The following AXDND1 variants were observed in gnomAD, a reference collection of about 807,000 sequenced individuals.
AXDND1 encodes the protein axonemal dynein light chain domain-containing protein 1.
In AXDND1, 110 loss-of-function variants were observed where a neutral mutation model predicts 137.5. The observed-to-expected ratio is 0.80, with a 90% CI of 0.69 to 0.94. The LOEUF (loss-of-function observed/expected upper bound fraction) is 0.94, where lower values mean the gene tolerates loss of function less well. Ranked by LOEUF, AXDND1 falls within the 40% of genes least tolerant of loss-of-function variation. The probability of loss-of-function intolerance (pLI) is 0.00; values close to 1 mark genes in which losing one functional copy is unlikely to be tolerated. For synonymous variants in AXDND1, 414 were observed against 399.7 expected (o/e 1.04, Z -0.43); for missense variants, 1,191 against 1,169.8 (o/e 1.02, Z -0.26).
At chr1:179,416,956 T>A (rs762270564) in intron 12 of AXDND1, among the ~76,000 whole-genome samples, 4 of 152,180 alleles carry the variant, frequency 2.6e-5, no homozygotes, top group Non-Finnish European at 4.4e-5. Flanking sequence ...TATACGGCCC[T>A]TTTATAGAAC....
chr1:179,542,733 G>T (rs1011712291), intron 25 of AXDND1, among the ~76,000 whole-genome samples: 1 of 152,142 alleles, frequency 6.6e-6, no homozygotes, highest in Non-Finnish European at 1.5e-5. Flanking sequence ...TTGAGGATTC[G>T]GTTAAATCCA....
At chr1:179,506,528 T>C (rs1403796520) in intron 20 of AXDND1, among the ~76,000 whole-genome samples, 2 of 152,132 alleles carry the variant, frequency 1.3e-5, no homozygotes, top group Admixed American at 1.3e-4. Flanking sequence ...GGTCAGCAGT[T>C]CGAGACCAGC....
intron 16 of AXDND1, chr1:179,454,959 G>A (rs1661085253): frequency 6.6e-6 from 1 of 152,190 alleles, no homozygotes; most frequent in South Asian, 2.1e-4. Flanking sequence ...AGCCGGGCGT[G>A]GTGGCAGGCG....
At chr1:179,482,061 AAGTT>A (rs1163321130) in intron 17 of AXDND1, among the ~76,000 whole-genome samples, 1 of 149,882 alleles carries the variant, frequency 6.7e-6, no homozygotes, top group Admixed American at 6.6e-5. Context: ...GTTGCAAATG[AAGTT>A]AGTTTATTTG....
rs577910959 is a variant in AXDND1, at chr1:179,378,716, C to T, written c.454C>T (p.Arg152Cys). Residue 152 changes from arginine (R) to cysteine (C), a missense_variant, in exon 5 of 26, where the codon CGT becomes TGT. Transcript: ENST00000367618. ...EKAVCPPHLA[R>C]SLQSHDGVIV... is the part of the protein sequence containing the mutation. ...GGCAGTTTGTCCCCCACATTTGGCCCGTTCATTACAGTCACATGATGGTGT... is the reference window on the plus strand; with the variant it reads ...GGCAGTTTGTCCCCCACATTTGGCCTGTTCATTACAGTCACATGATGGTGT... 22 of 1,589,408 alleles carry T rather than the reference C, an allele frequency of 1.4e-5. No homozygotes were observed. Among genetic ancestry groups the T allele is most frequent in the South Asian group, 9.3e-5 (8 of 85,920 alleles).
At chr1:179,416,860 A>G (rs531606459) in intron 12 of AXDND1, among the ~76,000 whole-genome samples, 23 of 152,292 alleles carry the variant, frequency 1.5e-4, no homozygotes, top group African/African-American at 5.3e-4. Flanking sequence ...AGTTTCCCCA[A>G]TAAAACACCC....
At chr1:179,449,175 C>T (rs545895554) in intron 16 of AXDND1, 59 of 450,824 alleles carry the variant, frequency 1.3e-4, no homozygotes, top group African/African-American at 2.6e-4. Context: ...CATAATCCAC[C>T]GCACCTGGCC....
chr1:179,370,128 T>G, intron 4 of AXDND1, 50 bp downstream of exon 4: 3 of 1,404,380 alleles, frequency 2.1e-6, no homozygotes, highest in Non-Finnish European at 3.0e-6. Context: ...AGTTGTTTTC[T>G]CATTTTGAAT....
chr1:179,496,155 A>ATGTT (rs1346963905), intron 20 of AXDND1, among the ~76,000 whole-genome samples: 5 of 151,918 alleles, frequency 3.3e-5, no homozygotes, highest in African/African-American at 1.2e-4. Context: ...TTCATAAGGG[A>ATGTT]TATTTATTAA....
intron 14 of AXDND1, 23 bp from the exon 15 acceptor site, chr1:179,432,244 C>CT (rs11314780): frequency 0.019 from 22,099 of 1,189,358 alleles, no homozygotes; most frequent in East Asian, 0.062. Context: ...AGATGTTTCT[C>CT]TTTTTTTTTT....
intron 17 of AXDND1, among the ~76,000 whole-genome samples, chr1:179,479,488 A>AAAAAAG: frequency 6.8e-6 from 1 of 147,766 alleles, no homozygotes; most frequent in African/African-American, 2.5e-5. Context: ...AAAAAAAAAA[A>AAAAAAG]GGAAAAAGGC....
intron 16 of AXDND1, chr1:179,456,950 C>T: frequency 6.7e-7 from 1 of 1,497,608 alleles, no homozygotes; most frequent in Non-Finnish European, 9.2e-7. Flanking sequence ...TTCATTTTTT[C>T]CATACTGTTC....
At chr1:179,383,749 A>G (rs1431246211) in intron 8 of AXDND1, among the ~76,000 whole-genome samples, 1 of 152,228 alleles carries the variant, frequency 6.6e-6, no homozygotes, top group African/African-American at 2.4e-5. Context: ...ATGAAATGAC[A>G]TAATAAATGT....
intron 11 of AXDND1, among the ~76,000 whole-genome samples, chr1:179,410,267 G>C (rs1653660198): frequency 6.6e-6 from 1 of 152,138 alleles, no homozygotes; most frequent in African/African-American, 2.4e-5. Context: ...TAATTTTTCT[G>C]TCGCCCAGTC....
At chr1:179,488,634 C>CTCTCTCT (rs376189496) in intron 18 of AXDND1, among the ~76,000 whole-genome samples, 2 of 105,172 alleles carry the variant, frequency 1.9e-5, no homozygotes, top group Non-Finnish European at 3.9e-5. Flanking sequence ...CTCTCTCTCT[C>CTCTCTCT]CTTTCTTTCT....
At chr1:179,441,762 T>G (rs1659019782) in intron 15 of AXDND1, among the ~76,000 whole-genome samples, 1 of 152,224 alleles carries the variant, frequency 6.6e-6, no homozygotes. Context: ...ATTCCAGGTC[T>G]GAATAAGGGC....
intron 11 of AXDND1, among the ~76,000 whole-genome samples, chr1:179,403,151 A>T (rs4233180): frequency 6.6e-6 from 1 of 152,036 alleles, no homozygotes; most frequent in Admixed American, 6.6e-5. Flanking sequence ...TGTTATATAT[A>T]TATTATATAA....
At chr1:179,536,802 C>T (rs557599273) in intron 25 of AXDND1, among the ~76,000 whole-genome samples, 5 of 152,282 alleles carry the variant, frequency 3.3e-5, no homozygotes, top group African/African-American at 9.6e-5. Flanking sequence ...TTACCTTGGG[C>T]AGTATGGCCA....
chr1:179,461,832 T>C (rs1662364164), intron 16 of AXDND1, among the ~76,000 whole-genome samples: 1 of 152,226 alleles, frequency 6.6e-6, no homozygotes, highest in Admixed American at 6.5e-5. Context: ...GGGAGTTCAC[T>C]CATGATTTGG....
Sources: gnomAD v4.1 joint callset for allele counts (sites outside exome capture counted in the v4.1 genomes callset) on GRCh38, gnomAD v4.1.1 for gene constraint, MANE v1.5 for transcripts, NCBI Gene and HGNC (gene_info 2026-07-23, HGNC 2026-07-21) for gene names.